EBF1: variants seen among roughly 807,000 people sequenced by gnomAD.
The protein encoded by EBF1 is transcription factor COE1.
In EBF1, 10 loss-of-function variants were observed where a neutral mutation model predicts 68.4. That is an observed-to-expected ratio of 0.15 (90% CI 0.09 to 0.25). The LOEUF is 0.25. Ranked by LOEUF, EBF1 falls within the 10% of genes least tolerant of loss-of-function variation. EBF1 has a pLI of 1.00. For missense variants in EBF1, 509 were observed against 794.4 expected, an observed-to-expected ratio of 0.64 and a Z score of 4.32; for synonymous variants, 298 against 299.8, an observed-to-expected ratio of 0.99 and a Z score of 0.06.
chr5:158,936,716 C>T (rs1303332987), intron 6 of EBF1, among the ~76,000 whole-genome samples: 1 of 152,228 alleles, frequency 6.6e-6, no homozygotes, highest in Non-Finnish European at 1.5e-5. Context: ...GCTTCCTCCT[C>T]TGGATGGGAA....
chr5:158,897,913 C>A (rs1381410677), intron 6 of EBF1, among the ~76,000 whole-genome samples: 4 of 152,190 alleles, frequency 2.6e-5, no homozygotes, highest in Admixed American at 6.5e-5. Context: ...CTCCACTGGA[C>A]TGCTGTGAGG....
In EBF1 at chr5:158,845,864, C is replaced by T. The variant is rs186760423; in HGVS notation, c.555-5754G>A. ...CTGAAGGGCACACACAGTAAAACTG[C>T]CCATTAGGCAACAGCTTGTACATCA... On this transcript the variant is annotated intron_variant, in intron 6 of 15. Transcript: ENST00000313708. Among the ~76,000 whole-genome samples, 21 of 152,274 alleles carry T rather than the reference C, an allele frequency of 1.4e-4. No homozygotes were observed. The East Asian group carries it at 2.1e-3, about 15-fold the overall frequency.
intron 6 of EBF1, among the ~76,000 whole-genome samples, chr5:158,902,374 T>C (rs923517993): frequency 6.6e-6 from 1 of 151,274 alleles, no homozygotes; most frequent in Non-Finnish European, 1.5e-5. Flanking sequence ...ACTTGATTCA[T>C]GGCATGATCA....
intron 6 of EBF1, among the ~76,000 whole-genome samples, chr5:158,960,136 T>C (rs1817883962): frequency 6.6e-6 from 1 of 152,202 alleles, no homozygotes; most frequent in Non-Finnish European, 1.5e-5. Context: ...AGCAGATATT[T>C]ACCAATCAGC....
chr5:159,082,313 G>T (rs1300320165), intron 5 of EBF1, among the ~76,000 whole-genome samples: 1 of 152,126 alleles, frequency 6.6e-6, no homozygotes, highest in Non-Finnish European at 1.5e-5. Context: ...GCAGAAAGTT[G>T]TTTAGAAATT....
chr5:158,739,239 C>G (rs1488433029), intron 10 of EBF1, among the ~76,000 whole-genome samples: 2 of 152,220 alleles, frequency 1.3e-5, no homozygotes, highest in Non-Finnish European at 2.9e-5. Context: ...AGCATCTCTT[C>G]ATGAACAGAC....
At chr5:158,734,449 G>A (rs928410835) in intron 10 of EBF1, among the ~76,000 whole-genome samples, 1 of 151,998 alleles carries the variant, frequency 6.6e-6, no homozygotes, top group Non-Finnish European at 1.5e-5. Flanking sequence ...GTATACTTTT[G>A]GCCAGTTGTA....
At chr5:158,914,802 C>A (rs1002211070) in intron 6 of EBF1, among the ~76,000 whole-genome samples, 1 of 152,134 alleles carries the variant, frequency 6.6e-6, no homozygotes. Flanking sequence ...TAAGCACGTT[C>A]TGGTTTTTCA....
intron 6 of EBF1, among the ~76,000 whole-genome samples, chr5:159,042,610 GCA>G (rs755264476): frequency 6.7e-6 from 1 of 149,710 alleles, no homozygotes; most frequent in African/African-American, 2.5e-5. Flanking sequence ...GTGTGTGTGT[GCA>G]TGTGTGTGTG....
At chr5:158,844,858 A>G (rs1164963393) in intron 6 of EBF1, among the ~76,000 whole-genome samples, 1 of 152,228 alleles carries the variant, frequency 6.6e-6, no homozygotes, top group Non-Finnish European at 1.5e-5. Flanking sequence ...ACTGAACCCA[A>G]TACAAACATT....
chr5:158,965,349 A>T (rs1561648680), intron 6 of EBF1, among the ~76,000 whole-genome samples: 1 of 143,340 alleles, frequency 7.0e-6, no homozygotes, highest in Non-Finnish European at 1.5e-5. Flanking sequence ...AAGAAAGGTT[A>T]TTTGGGAAAA....
chr5:158,816,384 C>G (rs116799607), intron 8 of EBF1, among the ~76,000 whole-genome samples: 2 of 152,350 alleles, frequency 1.3e-5, no homozygotes, highest in South Asian at 2.1e-4. Context: ...CTGAAATGCA[C>G]ATGGACAAGT....
intron 14 of EBF1, 46 bp downstream of exon 14, chr5:158,712,108 C>A (rs368787664): frequency 1.9e-6 from 3 of 1,603,126 alleles, no homozygotes; most frequent in Non-Finnish European, 1.7e-6. Context: ...ATGCCAAGTT[C>A]TTCTAGCGAA....
intron 6 of EBF1, among the ~76,000 whole-genome samples, chr5:159,010,438 A>G (rs534251253): frequency 1.4e-4 from 22 of 152,306 alleles, no homozygotes; most frequent in Middle Eastern, 3.4e-3. Flanking sequence ...TCTTTTTGCA[A>G]ACAAAGAGGA....
At chr5:159,091,238 C>A (rs1322859507) in intron 4 of EBF1, among the ~76,000 whole-genome samples, 3 of 152,186 alleles carry the variant, frequency 2.0e-5, no homozygotes, top group Admixed American at 6.5e-5. Context: ...GCAGTTGGCC[C>A]GCCAGACTGG....
At chr5:158,905,866 C>A (rs1450547601) in intron 6 of EBF1, among the ~76,000 whole-genome samples, 1 of 152,118 alleles carries the variant, frequency 6.6e-6, no homozygotes, top group South Asian at 2.1e-4. Context: ...CTTGCCCTGG[C>A]CCCACTTAGT....
chr5:158,871,836 G>A (rs1023304877), intron 6 of EBF1, among the ~76,000 whole-genome samples: 1 of 152,088 alleles, frequency 6.6e-6, no homozygotes, highest in African/African-American at 2.4e-5. Flanking sequence ...TCTTCCTACA[G>A]CAATGCACCA....
At chr5:158,775,745 A>AAC (rs3220206) in intron 10 of EBF1, among the ~76,000 whole-genome samples, 41,557 of 137,372 alleles carry the variant, frequency 0.3, 6,398 homozygotes, top group East Asian at 0.48. Flanking sequence ...AGACTTGTAA[A>AAC]ACACACACAC....
At chr5:158,964,336 A>G (rs1753676599) in intron 6 of EBF1, among the ~76,000 whole-genome samples, 1 of 152,186 alleles carries the variant, frequency 6.6e-6, no homozygotes, top group Admixed American at 6.5e-5. Context: ...AGTGGGAGCC[A>G]CTTTAAAGCA....
Sources: gnomAD v4.1 joint callset for allele counts (sites outside exome capture counted in the v4.1 genomes callset) on GRCh38, gnomAD v4.1.1 for gene constraint, MANE v1.5 for transcripts, NCBI Gene and HGNC (gene_info 2026-07-23, HGNC 2026-07-21) for gene names.